PLCH1: variants seen among roughly 807,000 people sequenced by gnomAD.
PLCH1 encodes the protein phospholipase C eta 1.
A neutral mutation model predicts 126.7 loss-of-function variants in PLCH1; 60 were observed. The observed-to-expected ratio is 0.47, with a 90% CI of 0.38 to 0.59. The LOEUF (loss-of-function observed/expected upper bound fraction) is 0.59. Among genes scored for constraint, PLCH1 ranks in the 20% least tolerant of loss-of-function variants. The pLI is 0.00. For synonymous variants in PLCH1, 719 were observed against 734.9 expected (o/e 0.98, Z 0.35); for missense variants, 1,723 against 2,040.0 (o/e 0.84, Z 2.99).
intron 2 of PLCH1, among the ~76,000 whole-genome samples, chr3:155,660,218 G>T (rs1741966799): frequency 6.6e-6 from 1 of 152,174 alleles, no homozygotes; most frequent in Non-Finnish European, 1.5e-5. Flanking sequence ...TCCTAATACA[G>T]CAGAGCCACG....
chr3:155,666,520 A>G (rs1435811677), intron 2 of PLCH1, among the ~76,000 whole-genome samples: 1 of 152,202 alleles, frequency 6.6e-6, no homozygotes, highest in Non-Finnish European at 1.5e-5. Flanking sequence ...ATAGAAGCAG[A>G]GTCATTTTTG....
chr3:155,585,742 C>G (rs559125090), intron 5 of PLCH1, among the ~76,000 whole-genome samples: 2 of 152,264 alleles, frequency 1.3e-5, no homozygotes, highest in South Asian at 4.1e-4. Flanking sequence ...AGTCTTTATT[C>G]TGATCCTCAC....
Position 155,720,548 on chromosome 3 carries a change from C to G in PLCH1, c.-40-16284G>C, listed in dbSNP as rs534918158. ...GAGAATTGTCTATTCATGTCCTTAG[C>G]CCACTTTTTGATGGGATTATTTGTT... On this transcript the variant is annotated intron_variant, in intron 1 of 22. Coordinates refer to ENST00000460012, the MANE Select transcript of PLCH1 (RefSeq NM_014996.4). 2.0e-5 allele frequency among the ~76,000 whole-genome samples: 3 copies of G among 152,146 alleles called. No individual in the cohort carries two copies. In the East Asian group the frequency reaches 5.8e-4, roughly 29 times the overall value.
chr3:155,632,938 T>C (rs931883809), intron 2 of PLCH1, among the ~76,000 whole-genome samples: 3 of 151,790 alleles, frequency 2.0e-5, no homozygotes, highest in African/African-American at 7.3e-5. Context: ...AAAATTCTTT[T>C]CTGAAAAAGA....
intron 2 of PLCH1, among the ~76,000 whole-genome samples, chr3:155,636,116 A>T (rs1359781833): frequency 5.3e-5 from 8 of 152,082 alleles, no homozygotes; most frequent in Admixed American, 3.9e-4. Context: ...CAACTTCCCC[A>T]ACTTCCCTCA....
intron 4 of PLCH1, among the ~76,000 whole-genome samples, chr3:155,593,075 G>A (rs1577089801): frequency 6.6e-6 from 1 of 151,936 alleles, no homozygotes; most frequent in East Asian, 1.9e-4. Context: ...CAACCCCTGC[G>A]AAAAAAATTA....
At chr3:155,500,900 C>T in intron 13 of PLCH1, 106 bp from the exon 14 acceptor site, 1 of 729,332 alleles carries the variant, frequency 1.4e-6, no homozygotes, top group Middle Eastern at 2.9e-4. Flanking sequence ...ACAAACATAA[C>T]TTGGAGGGAG....
chr3:155,472,179 A>G (rs1158846182), intron 21 of PLCH1, among the ~76,000 whole-genome samples: 1 of 152,164 alleles, frequency 6.6e-6, no homozygotes, highest in Non-Finnish European at 1.5e-5. Context: ...ATAGACCACT[A>G]GCAAGACTAA....
At chr3:155,530,220 C>G (rs866495591) in intron 10 of PLCH1, among the ~76,000 whole-genome samples, 2 of 152,188 alleles carry the variant, frequency 1.3e-5, no homozygotes, top group South Asian at 4.1e-4. Context: ...GCTTTATCAA[C>G]TAAGGTTTTG....
At chr3:155,455,006 T>C (rs958474307) in intron 21 of PLCH1, among the ~76,000 whole-genome samples, 85 of 152,344 alleles carry the variant, frequency 5.6e-4, no homozygotes, top group African/African-American at 1.9e-3. Context: ...CACTAGTCTA[T>C]AGTACCACCT....
At chr3:155,540,817 T>C (rs1223713328) in intron 10 of PLCH1, among the ~76,000 whole-genome samples, 1 of 146,648 alleles carries the variant, frequency 6.8e-6, no homozygotes, top group Non-Finnish European at 1.5e-5. Flanking sequence ...GTACAACCAT[T>C]ATGGAAAACA....
intron 8 of PLCH1, among the ~76,000 whole-genome samples, chr3:155,560,670 C>T (rs562092507): frequency 2.8e-4 from 43 of 152,234 alleles, no homozygotes; most frequent in Middle Eastern, 3.4e-3. Context: ...CAAAGAAAGG[C>T]CCTTCCAGTT....
intron 4 of PLCH1, among the ~76,000 whole-genome samples, chr3:155,588,711 G>A (rs1731702349): frequency 6.6e-6 from 1 of 152,108 alleles, no homozygotes; most frequent in Admixed American, 6.5e-5. Context: ...TTGATTATTG[G>A]TTTAGGGAAC....
intron 4 of PLCH1, among the ~76,000 whole-genome samples, chr3:155,587,293 C>CA (rs1731500994): frequency 6.6e-6 from 1 of 152,226 alleles, no homozygotes; most frequent in African/African-American, 2.4e-5. Flanking sequence ...TTTACCTTCA[C>CA]AATACCCCAT....
intron 2 of PLCH1, among the ~76,000 whole-genome samples, chr3:155,630,393 C>T (rs1264778501): frequency 3.3e-5 from 5 of 152,320 alleles, no homozygotes; most frequent in Middle Eastern, 3.4e-3. Flanking sequence ...TACCAAAGAA[C>T]TTGATTTGAA....
chr3:155,569,611 G>T (rs1478065603), intron 6 of PLCH1, among the ~76,000 whole-genome samples: 1 of 152,150 alleles, frequency 6.6e-6, no homozygotes, highest in Admixed American at 6.5e-5. Context: ...ACCCAGGCAG[G>T]CTTTGAGCAG....
At chr3:155,671,252 C>T (rs1435206663) in intron 2 of PLCH1, among the ~76,000 whole-genome samples, 1 of 152,158 alleles carries the variant, frequency 6.6e-6, no homozygotes, top group African/African-American at 2.4e-5. Flanking sequence ...ATGCACTTCA[C>T]AGAGTTATGA....
chr3:155,561,248 C>T (rs1281353781), intron 8 of PLCH1, among the ~76,000 whole-genome samples: 4 of 151,048 alleles, frequency 2.6e-5, no homozygotes, highest in Non-Finnish European at 4.4e-5. Flanking sequence ...CATCATCTAG[C>T]ATTAGGTATA....
At chr3:155,729,895 C>T (rs370273570) in intron 1 of PLCH1, among the ~76,000 whole-genome samples, 2 of 145,914 alleles carry the variant, frequency 1.4e-5, no homozygotes, top group East Asian at 2.0e-4. Context: ...ACTGTACTCC[C>T]GCGTGGGTGA....
Sources: gnomAD v4.1 joint callset for allele counts (sites outside exome capture counted in the v4.1 genomes callset) on GRCh38, gnomAD v4.1.1 for gene constraint, MANE v1.5 for transcripts, NCBI Gene and HGNC (gene_info 2026-07-23, HGNC 2026-07-21) for gene names.